SMYD2: variants seen among roughly 807,000 people sequenced by gnomAD.
SMYD2 encodes the protein SET and MYND domain containing 2.
SMYD2 carries 53 observed loss-of-function variants against 59.1 expected under a neutral mutation model. The ratio of observed to expected loss-of-function variants is 0.90; its 90% CI spans 0.72 to 1.13. SMYD2 has a LOEUF of 1.13. SMYD2 is among the 50% of genes most tolerant of loss of function. The pLI, the probability that SMYD2 is intolerant of heterozygous loss-of-function variation, is 0.00. For missense variants in SMYD2, 494 were observed against 544.7 expected (o/e 0.91, Z 0.93); for synonymous variants, 208 against 198.8 (o/e 1.05, Z -0.39).
intron 1 of SMYD2, among the ~76,000 whole-genome samples, chr1:214,283,659 A>G (rs1195735191): frequency 3.3e-5 from 5 of 152,222 alleles, no homozygotes; most frequent in Non-Finnish European, 7.3e-5. Context: ...CAGTCTGTCC[A>G]GATGTATGAG....
chr1:214,321,639 C>A (rs946265830), intron 5 of SMYD2, among the ~76,000 whole-genome samples: 3 of 152,182 alleles, frequency 2.0e-5, no homozygotes, highest in African/African-American at 7.2e-5. Context: ...GGTGACCACA[C>A]ATCTTTGACA....
intron 5 of SMYD2, among the ~76,000 whole-genome samples, chr1:214,321,556 G>A (rs937494487): frequency 6.6e-6 from 1 of 152,200 alleles, no homozygotes; most frequent in African/African-American, 2.4e-5. Context: ...CAGCCCCTGA[G>A]CCCTTTCCAC....
chr1:214,299,863 C>T (rs1302225352), intron 1 of SMYD2, among the ~76,000 whole-genome samples: 1 of 152,214 alleles, frequency 6.6e-6, no homozygotes, highest in Non-Finnish European at 1.5e-5. Flanking sequence ...TCCTCGGCCT[C>T]CCAAAGTGCT....
Position 214,311,899 on chromosome 1 carries a change from A to G in SMYD2, c.238-2863A>G, listed in dbSNP as rs570341438. Among the ~76,000 whole-genome samples, 296 of 152,156 alleles carry G rather than the reference A, an allele frequency of 1.9e-3. 1 individual carries two copies. Among genetic ancestry groups the G allele is most frequent in the African/African-American group, 6.7e-3 (280 of 41,504 alleles). Reference sequence around the variant, plus strand: ...CTGGAGTCAGAGTGGGCATTTGTCTATAGTTGTTAATGATCCATCTGTCCC... The same window carrying G: ...CTGGAGTCAGAGTGGGCATTTGTCTGTAGTTGTTAATGATCCATCTGTCCC... On this transcript the variant is annotated intron_variant, in intron 2 of 11. Transcript: ENST00000366957.
intron 1 of SMYD2, among the ~76,000 whole-genome samples, chr1:214,297,482 G>A (rs1413922728): frequency 6.6e-6 from 1 of 152,114 alleles, no homozygotes; most frequent in Non-Finnish European, 1.5e-5. Context: ...AGCGAAAATG[G>A]ATAGCCCATA....
chr1:214,302,249 G>A (rs1298047295), intron 1 of SMYD2, among the ~76,000 whole-genome samples: 2 of 151,160 alleles, frequency 1.3e-5, no homozygotes, highest in Non-Finnish European at 2.9e-5. Flanking sequence ...TGAGGGAGGA[G>A]AATTGCTTAA....
At chr1:214,297,100 G>A (rs1211692918) in intron 1 of SMYD2, among the ~76,000 whole-genome samples, 1 of 152,298 alleles carries the variant, frequency 6.6e-6, no homozygotes, top group South Asian at 2.1e-4. Context: ...CCACCCAAAT[G>A]TGTTACCATA....
At chr1:214,290,222 T>A (rs764464467) in intron 1 of SMYD2, among the ~76,000 whole-genome samples, 1 of 152,156 alleles carries the variant, frequency 6.6e-6, no homozygotes, top group African/African-American at 2.4e-5. Context: ...TACAAAAAAG[T>A]CTTGAAGGTT....
rs1011526404 is a variant in SMYD2, at chr1:214,331,891, T to C, written c.938-127T>C. The C allele has an allele frequency of 7.3e-6, 6 of 822,460 alleles. No individual in the cohort carries two copies. In the African/African-American group the frequency reaches 8.6e-5, roughly 12 times the overall value. The allele number at this position is 822,460 out of a possible 1,614,324, so 50.9% of individuals were successfully genotyped here. ...GTAATTCCTTTCACTTTTGCTTGGCTTTCTGTAAGTTACTTTTTCATGGGG... is the reference window on the plus strand; with the variant it reads ...GTAATTCCTTTCACTTTTGCTTGGCCTTCTGTAAGTTACTTTTTCATGGGG... On this transcript the variant is annotated intron_variant, in intron 9 of 11. Coordinates refer to ENST00000366957, the MANE Select transcript of SMYD2 (RefSeq NM_020197.3).
intron 1 of SMYD2, among the ~76,000 whole-genome samples, chr1:214,303,376 A>G (rs2102462075): frequency 6.6e-6 from 1 of 152,210 alleles, no homozygotes; most frequent in East Asian, 1.9e-4. Context: ...GCATTTCCCG[A>G]GAGAGCAAGG....
At chr1:214,296,617 ATG>A (rs1162468343) in intron 1 of SMYD2, among the ~76,000 whole-genome samples, 6 of 152,222 alleles carry the variant, frequency 3.9e-5, no homozygotes, top group Non-Finnish European at 8.8e-5. Flanking sequence ...GTTCTAAGCA[ATG>A]TATTAAATGT....
In SMYD2 at chr1:214,335,058, A is replaced by G. The variant is rs1406996966; in HGVS notation, c.1221+750A>G. Among the ~76,000 whole-genome samples the G allele has an allele frequency of 2.6e-5, 4 of 152,352 alleles. No individual in the cohort carries two copies. The East Asian group carries it at 5.8e-4, about 22-fold the overall frequency. On this transcript the variant is annotated intron_variant, in intron 11 of 11. Transcript: ENST00000366957. ...GTCATCATCCTGAGTATTGATTCTC[A>G]TTGTTTGTGATGTGGAATTCACAGT...
chr1:214,297,849 T>A (rs1656758956), intron 1 of SMYD2, among the ~76,000 whole-genome samples: 1 of 152,322 alleles, frequency 6.6e-6, no homozygotes, highest in South Asian at 2.1e-4. Context: ...GAAGGCAAGC[T>A]GGCCCAAGAA....
intron 1 of SMYD2, among the ~76,000 whole-genome samples, chr1:214,283,191 C>A (rs1373051653): frequency 6.6e-6 from 1 of 152,172 alleles, no homozygotes; most frequent in African/African-American, 2.4e-5. Flanking sequence ...CTACGCATAC[C>A]CCCAACCTTA....
chr1:214,331,130 G>A, intron 9 of SMYD2, 60 bp downstream of exon 9: 2 of 1,602,142 alleles, frequency 1.2e-6, no homozygotes, highest in South Asian at 2.2e-5. Flanking sequence ...AAGGTGGGAA[G>A]TTGGAAAGAG....
chr1:214,299,662 A>G (rs1177997750), intron 1 of SMYD2, among the ~76,000 whole-genome samples: 9 of 152,054 alleles, frequency 5.9e-5, no homozygotes, highest in Non-Finnish European at 1.3e-4. Flanking sequence ...GCTGGAGTGC[A>G]GTGGCGCTGT....
chr1:214,291,968 C>G (rs937859780), intron 1 of SMYD2, among the ~76,000 whole-genome samples: 1 of 152,060 alleles, frequency 6.6e-6, no homozygotes, highest in African/African-American at 2.4e-5. Flanking sequence ...AACTTTAAAA[C>G]ATTCAGGTTA....
chr1:214,334,107 T>G (rs1657398846), intron 10 of SMYD2, 93 bp from the exon 11 acceptor site: 1 of 1,185,654 alleles, frequency 8.4e-7, no homozygotes, highest in Admixed American at 1.8e-5. Flanking sequence ...AGGTTGGCCC[T>G]AAGCATGGCA....
chr1:214,307,174 A>AAAAG (rs1183901551), intron 2 of SMYD2, among the ~76,000 whole-genome samples: 1 of 152,236 alleles, frequency 6.6e-6, no homozygotes, highest in African/African-American at 2.4e-5. Flanking sequence ...ATTCTGTCTC[A>AAAAG]AAAGAAAGAA....
Sources: gnomAD v4.1 joint callset for allele counts (sites outside exome capture counted in the v4.1 genomes callset) on GRCh38, gnomAD v4.1.1 for gene constraint, MANE v1.5 for transcripts, NCBI Gene and HGNC (gene_info 2026-07-23, HGNC 2026-07-21) for gene names.